Variants in SLC44A3 observed in about 807,000 individuals in gnomAD.
SLC44A3 encodes the protein solute carrier family 44 member 3.
A neutral mutation model predicts 75.4 loss-of-function variants in SLC44A3; 74 were observed. The ratio of observed to expected loss-of-function variants is 0.98; its 90% CI spans 0.81 to 1.19. SLC44A3 has a LOEUF of 1.19. Among genes scored for constraint, SLC44A3 ranks in the 50% most tolerant of loss-of-function variants. The probability of loss-of-function intolerance (pLI) is 0.00; values close to 1 mark genes in which losing one functional copy is unlikely to be tolerated. For synonymous variants in SLC44A3, 310 were observed against 296.9 expected, an observed-to-expected ratio of 1.04 and a Z score of -0.45; for missense variants, 700 against 778.6, an observed-to-expected ratio of 0.90 and a Z score of 1.20.
chr1:94,886,031 T>G (rs541057647), intron 12 of SLC44A3, among the ~76,000 whole-genome samples: 1 of 152,304 alleles, frequency 6.6e-6, no homozygotes, highest in East Asian at 1.9e-4. Context: ...GAGGAGTTAC[T>G]ATTCCTAATA....
At chr1:94,825,890 A>C (rs1439004457) in intron 3 of SLC44A3, 7 of 456,140 alleles carry the variant, frequency 1.5e-5, no homozygotes, top group Non-Finnish European at 2.2e-5. Flanking sequence ...ATGTGCTCCC[A>C]TTTCACATTG....
intron 3 of SLC44A3, chr1:94,825,870 T>C (rs1015435493): frequency 1.5e-5 from 7 of 456,116 alleles, no homozygotes; most frequent in Non-Finnish European, 2.6e-5. Context: ...GAAGGGCGAC[T>C]TAGATGCCCA....
intron 10 of SLC44A3, among the ~76,000 whole-genome samples, chr1:94,861,351 A>G (rs1233972841): frequency 6.6e-6 from 1 of 152,202 alleles, no homozygotes; most frequent in African/African-American, 2.4e-5. Context: ...AAGAAATAGC[A>G]GTAAGAACAT....
chr1:94,888,845 T>C, intron 12 of SLC44A3: 1 of 310,148 alleles, frequency 3.2e-6, no homozygotes. Flanking sequence ...TTCTCCTGCC[T>C]CAGCCTTCCC....
intron 1 of SLC44A3, chr1:94,820,695 C>G (rs1259991044): frequency 3.6e-6 from 5 of 1,382,202 alleles, no homozygotes; most frequent in Non-Finnish European, 4.7e-6. Context: ...GGGGCGCAAA[C>G]TTGGGGTCGT....
intron 3 of SLC44A3, among the ~76,000 whole-genome samples, chr1:94,825,218 A>G (rs1661148421): frequency 6.6e-6 from 1 of 152,256 alleles, no homozygotes; most frequent in African/African-American, 2.4e-5. Flanking sequence ...GGAATTCCCT[A>G]GAGGGGAGAG....
At position 94,839,982 on chromosome 1, in the gene SLC44A3, C is replaced by G. The variant is rs1284166290; in HGVS notation, c.705C>G (p.Phe235Leu). ...LSLAMMFTFR[F>L]ITTLLVHIFI... is the part of the protein sequence containing the mutation. ...TGGCCATGATGTTTACCTTCAGATT[C>G]ATCACCACCCTTCTGGTTCACATTT... The change falls in exon 7 of 15, where the codon TTC (phenylalanine) becomes TTG (leucine). Residue 235 changes from phenylalanine to leucine, a missense_variant. Phe to Leu is a conservative substitution (Grantham distance 22). Transcript: ENST00000271227. The G allele has an allele frequency of 6.2e-7, 1 of 1,614,018 alleles. No individual in the cohort carries two copies. Among genetic ancestry groups the G allele is most frequent in the Non-Finnish European group, 8.5e-7 (1 of 1,180,006 alleles).
At chr1:94,825,972 C>G in intron 3 of SLC44A3, 1 of 454,280 alleles carries the variant, frequency 2.2e-6, no homozygotes, top group Non-Finnish European at 4.4e-6. Context: ...TTCTCAAAAG[C>G]CAAAAGGTAG....
intron 3 of SLC44A3, chr1:94,826,013 T>C (rs2100927811): frequency 2.3e-6 from 1 of 444,220 alleles, no homozygotes; most frequent in South Asian, 1.6e-5. Flanking sequence ...AATGGTTGAA[T>C]GGATAATCAA....
chr1:94,892,248 TAAAG>T (rs1557898479), intron 13 of SLC44A3, 29 bp from the exon 14 acceptor site: 5 of 1,586,272 alleles, frequency 3.2e-6, no homozygotes, highest in Non-Finnish European at 4.3e-6. Flanking sequence ...AACTGATTCA[TAAAG>T]ATTTTCAACA....
chr1:94,893,846 G>A (rs933663161), intron 14 of SLC44A3, among the ~76,000 whole-genome samples: 5 of 151,736 alleles, frequency 3.3e-5, no homozygotes, highest in Non-Finnish European at 7.4e-5. Context: ...TGCAATCCCA[G>A]CACTTTGGGA....
Position 94,835,267 on chromosome 1 carries a change from T to C in SLC44A3, c.510-2444T>C, listed in dbSNP as rs7527987. 2.1e-3 allele frequency among the ~76,000 whole-genome samples: 324 copies of C among 152,136 alleles called. 2 individuals are homozygous for C. Among genetic ancestry groups the C allele is most frequent in the African/African-American group, 7.3e-3 (304 of 41,508 alleles). On this transcript the variant is annotated intron_variant, in intron 5 of 14. Coordinates refer to ENST00000271227, the MANE Select transcript of SLC44A3 (RefSeq NM_001114106.3). ...GAGTTCAAGACCAGTTTGGGCAACATAGCAAGACTCTGTCTCTACAAAAAA... is the reference window on the plus strand; with the variant it reads ...GAGTTCAAGACCAGTTTGGGCAACACAGCAAGACTCTGTCTCTACAAAAAA...
chr1:94,881,856 C>CA (rs11435512), intron 12 of SLC44A3, among the ~76,000 whole-genome samples: 103,518 of 138,902 alleles, frequency 0.75, 38,136 homozygotes, highest in South Asian at 0.84. Flanking sequence ...ACTAAAAATA[C>CA]AAAAAAAAAA....
At chr1:94,884,530 AGTTT>A (rs1669355679) in intron 12 of SLC44A3, among the ~76,000 whole-genome samples, 1 of 152,094 alleles carries the variant, frequency 6.6e-6, no homozygotes, top group Non-Finnish European at 1.5e-5. Flanking sequence ...CAGTTTCTCA[AGTTT>A]GTTTTAGTAG....
intron 12 of SLC44A3, among the ~76,000 whole-genome samples, chr1:94,881,137 C>G (rs1668921308): frequency 6.6e-6 from 1 of 152,142 alleles, no homozygotes; most frequent in Non-Finnish European, 1.5e-5. Context: ...ACTATGTTAC[C>G]AAACGATAGT....
At chr1:94,848,426 C>G (rs369779236) in intron 9 of SLC44A3, among the ~76,000 whole-genome samples, 2 of 152,106 alleles carry the variant, frequency 1.3e-5, no homozygotes, top group East Asian at 3.9e-4. Flanking sequence ...GGCTTGAACC[C>G]TAGCCTCTAG....
At position 94,867,346 on chromosome 1, in the gene SLC44A3, TC is replaced by T. The variant is rs746121671; in HGVS notation, c.1413del (p.Arg472GlyfsTer64). 2 of 1,599,386 alleles carry T rather than the reference TC, an allele frequency of 1.3e-6. No homozygotes were observed. Among genetic ancestry groups the T allele is most frequent in the Non-Finnish European group, 1.7e-6 (2 of 1,171,290 alleles). ...CCTGATCCAGCAGCATGGTGCATTG[TC>T]CAGGTACCTGTTCCGATGCTGCTAC... ...ALKEQQHGAL[S>X]RYLFRCCYCC... On this transcript the variant is annotated frameshift_variant, in exon 12 of 15. Coordinates refer to ENST00000271227, the MANE Select transcript of SLC44A3 (RefSeq NM_001114106.3). LOFTEE classifies it high-confidence loss of function.
At chr1:94,867,445 C>A in intron 12 of SLC44A3, 28 bp downstream of exon 12, 1 of 1,574,180 alleles carries the variant, frequency 6.4e-7, no homozygotes, top group Non-Finnish European at 8.7e-7. Flanking sequence ...GCCTCAGGAA[C>A]ACACAGAAGG....
At chr1:94,886,338 A>G (rs1490430834) in intron 12 of SLC44A3, among the ~76,000 whole-genome samples, 2 of 152,150 alleles carry the variant, frequency 1.3e-5, no homozygotes, top group East Asian at 3.9e-4. Context: ...GAAAATCGTG[A>G]GTCCTCCTGA....
Sources: gnomAD v4.1 joint callset for allele counts (sites outside exome capture counted in the v4.1 genomes callset) on GRCh38, gnomAD v4.1.1 for gene constraint, MANE v1.5 for transcripts, NCBI Gene and HGNC (gene_info 2026-07-23, HGNC 2026-07-21) for gene names.